Variants in TRMT11 observed in about 807,000 individuals in gnomAD.
TRMT11 encodes tRNA methyltransferase 11.
In TRMT11, 53 loss-of-function variants were observed where a neutral mutation model predicts 62.8. That is an observed-to-expected ratio of 0.84 (90% CI 0.68 to 1.06). The LOEUF (loss-of-function observed/expected upper bound fraction) is 1.06, where lower values mean the gene tolerates loss of function less well. Among genes scored for constraint, TRMT11 ranks in the 50% least tolerant of loss-of-function variants. TRMT11 has a pLI of 0.00. For synonymous variants in TRMT11, 188 were observed against 190.3 expected (o/e 0.99, Z 0.10); for missense variants, 556 against 553.4 (o/e 1.00, Z -0.05).
At chr6:126,033,565 G>A (rs1249532016) in intron 12 of TRMT11, among the ~76,000 whole-genome samples, 1 of 152,108 alleles carries the variant, frequency 6.6e-6, no homozygotes, top group East Asian at 1.9e-4. Context: ...AATCGCTGAG[G>A]TGAATATGTA....
Position 126,085,267 on chromosome 6 carries a change from C to A in TRMT11, c.*1438-27599C>A, listed in dbSNP as rs142171199. 6.6e-5 allele frequency among the ~76,000 whole-genome samples: 10 copies of A among 152,218 alleles called. No individual in the cohort carries two copies. The East Asian group carries it at 1.9e-3, about 29-fold the overall frequency. ...AAAAAATTATTCCCCTAAAAATGTT[C>A]ATCTTTTTTACTAGCCTGTACATTC... On this transcript the variant is annotated intron_variant and NMD_transcript_variant, in intron 17 of 22. Transcript: ENST00000648977.
chr6:126,029,137 A>G (rs1003896607), intron 12 of TRMT11, among the ~76,000 whole-genome samples: 8 of 152,102 alleles, frequency 5.3e-5, no homozygotes, highest in Non-Finnish European at 7.4e-5. Context: ...CTTATTTGTC[A>G]TATGTTTATT....
chr6:126,175,064 A>G (rs887314518), upstream of TRMT11, among the ~76,000 whole-genome samples: 4 of 152,230 alleles, frequency 2.6e-5, no homozygotes, highest in African/African-American at 9.6e-5. Context: ...TGATGTTAAC[A>G]TATTACCTTC....
chr6:126,104,419 C>T (rs1260550866), intron 17 of TRMT11, among the ~76,000 whole-genome samples: 1 of 152,154 alleles, frequency 6.6e-6, no homozygotes, highest in Non-Finnish European at 1.5e-5. Flanking sequence ...GGAATATAGC[C>T]TCTTGAAGGA....
intron 17 of TRMT11, among the ~76,000 whole-genome samples, chr6:126,108,684 A>G (rs891221520): frequency 6.6e-6 from 1 of 152,216 alleles, no homozygotes; most frequent in African/African-American, 2.4e-5. Flanking sequence ...TCTAGAAAAC[A>G]TGAGCATAAC....
intron 21 of TRMT11, among the ~76,000 whole-genome samples, chr6:126,146,557 G>A (rs1777977453): frequency 7.0e-6 from 1 of 143,270 alleles, no homozygotes; most frequent in South Asian, 2.2e-4. Context: ...CACTCTTCTT[G>A]CCCAGGTTGC....
At chr6:126,046,273 G>A (rs1407071059) in intron 16 of TRMT11, among the ~76,000 whole-genome samples, 5 of 152,100 alleles carry the variant, frequency 3.3e-5, no homozygotes, top group Non-Finnish European at 1.5e-5. Context: ...GTCAGACAAA[G>A]GACACAAACC....
chr6:126,244,282 A>C, the TRMT11 span, among the ~76,000 whole-genome samples: 1 of 152,266 alleles, frequency 6.6e-6, no homozygotes, highest in African/African-American at 2.4e-5. Flanking sequence ...ATATAGATGA[A>C]GATAGATTGC....
At chr6:126,108,280 C>A (rs1777486350) in intron 17 of TRMT11, among the ~76,000 whole-genome samples, 1 of 152,192 alleles carries the variant, frequency 6.6e-6, no homozygotes, top group Admixed American at 6.5e-5. Context: ...TTACTTCAGT[C>A]ATGGCTATAT....
chr6:126,218,194 C>A, the TRMT11 span, among the ~76,000 whole-genome samples: 2 of 152,172 alleles, frequency 1.3e-5, no homozygotes, highest in African/African-American at 4.8e-5. Flanking sequence ...CCCCAAGAAC[C>A]CAGTTGGTGC....
chr6:125,986,569 C>A lies in TRMT11; in HGVS notation c.19C>A (p.Leu7Ile). ...AGCTGCAATGGCGCTGTCGTGTACC[C>A]TTAACAGGTATCTGCTCCTCATGGC... The part of the protein sequence containing the change: MALSCT[L>I]NRYLLLMAQE... The change falls in exon 1 of 13, where the codon CTT becomes ATT. Residue 7 changes from leucine to isoleucine, a missense_variant. Leu to Ile is a conservative substitution (Grantham distance 5, BLOSUM62 2). Transcript: ENST00000334379. 6.3e-7 allele frequency: 1 copy of A among 1,592,200 alleles called. No individual in the cohort carries two copies. The highest frequency in any genetic ancestry group is 8.5e-7 in the Non-Finnish European group (1 of 1,171,618).
chr6:126,084,294 G>A (rs556538965), intron 17 of TRMT11, among the ~76,000 whole-genome samples: 140 of 152,202 alleles, frequency 9.2e-4, no homozygotes, highest in African/African-American at 2.9e-3. Flanking sequence ...CATAACAGTG[G>A]AAGGTGGTAT....
intron 17 of TRMT11, among the ~76,000 whole-genome samples, chr6:126,056,575 C>G (rs181456690): frequency 2.6e-5 from 4 of 152,112 alleles, no homozygotes; most frequent in Non-Finnish European, 5.9e-5. Flanking sequence ...AGCTTATTTC[C>G]TGGGCTACTC....
intron 1 of TRMT11, among the ~76,000 whole-genome samples, chr6:126,185,295 C>A (rs1042439782): frequency 6.6e-6 from 1 of 152,144 alleles, no homozygotes; most frequent in Admixed American, 6.6e-5. Flanking sequence ...CTCCTACAGT[C>A]TTCTCCAGGA....
chr6:126,070,928 C>A (rs866345370), intron 17 of TRMT11, among the ~76,000 whole-genome samples: 1 of 152,170 alleles, frequency 6.6e-6, no homozygotes, highest in African/African-American at 2.4e-5. Flanking sequence ...GCCACTACGC[C>A]ATTCGCTGTG....
At chr6:126,056,306 G>T (rs148241946) in intron 17 of TRMT11, among the ~76,000 whole-genome samples, 1 of 152,306 alleles carries the variant, frequency 6.6e-6, no homozygotes, top group African/African-American at 2.4e-5. Context: ...TTGAATCATG[G>T]TAAGGAGTCA....
chr6:126,012,758 G>C lies in TRMT11; in HGVS notation c.926-13G>C, dbSNP rs775066900. 1.2e-6 allele frequency: 2 copies of C among 1,608,852 alleles called. No homozygotes were observed. The highest frequency in any genetic ancestry group is 1.7e-6 in the Non-Finnish European group (2 of 1,176,816). The stretch of plus-strand genomic sequence containing the variant: ...ACTTTTGACTATCTGTGTTACCTTT[G>C]TTTTCTGTCTAGCTCCATATGGTAT... On this transcript the variant is annotated splice_polypyrimidine_tract_variant and intron_variant, in intron 9 of 12. Coordinates refer to ENST00000334379, the MANE Select transcript of TRMT11 (RefSeq NM_001031712.3).
At chr6:126,241,349 G>A in the TRMT11 span, among the ~76,000 whole-genome samples, 6 of 152,244 alleles carry the variant, frequency 3.9e-5, no homozygotes, top group South Asian at 2.1e-4. Flanking sequence ...CCTCACAGCC[G>A]AATTCTACCA....
At chr6:126,208,497 A>G (rs1778809371), downstream of TRMT11, among the ~76,000 whole-genome samples, 1 of 152,198 alleles carries the variant, frequency 6.6e-6, no homozygotes, top group Non-Finnish European at 1.5e-5. Flanking sequence ...TGAGTGATTT[A>G]CGTGAAAACC....
Sources: allele counts gnomAD v4.1 joint callset (sites outside exome capture counted in the v4.1 genomes callset), GRCh38; gene constraint gnomAD v4.1.1; transcripts MANE v1.5; gene names NCBI Gene and HGNC (gene_info 2026-07-23, HGNC 2026-07-21).